The following ZFAND6 variants were observed in gnomAD, a reference collection of about 807,000 sequenced individuals.
ZFAND6 encodes the protein zinc finger AN1-type containing 6.
In ZFAND6, 12 loss-of-function variants were observed where a neutral mutation model predicts 24.5. That is an observed-to-expected ratio of 0.49 (90% CI 0.31 to 0.79). The LOEUF (loss-of-function observed/expected upper bound fraction) is 0.79, where lower values mean the gene tolerates loss of function less well. Among genes scored for constraint, ZFAND6 ranks in the 30% least tolerant of loss-of-function variants. ZFAND6 has a pLI of 0.04. For synonymous variants in ZFAND6, 92 were observed against 81.5 expected (o/e 1.13, Z -0.69); for missense variants, 207 against 245.9 (o/e 0.84, Z 1.06).
chr15:80,079,481 A>C (rs376057876), intron 1 of ZFAND6, among the ~76,000 whole-genome samples: 4 of 151,714 alleles, frequency 2.6e-5, no homozygotes, highest in Admixed American at 2.0e-4. Flanking sequence ...CGGCCTCCCA[A>C]AGTGCTGGGA....
chr15:80,124,677 GC>G (rs1415734910), intron 5 of ZFAND6, among the ~76,000 whole-genome samples: 1 of 152,168 alleles, frequency 6.6e-6, no homozygotes, highest in African/African-American at 2.4e-5. Context: ...TGGTCCTGAT[GC>G]CATATTAGGA....
At chr15:80,134,956 A>C (rs147195023) in intron 6 of ZFAND6, among the ~76,000 whole-genome samples, 1 of 152,216 alleles carries the variant, frequency 6.6e-6, no homozygotes, top group Admixed American at 6.5e-5. Flanking sequence ...TTGGTACCAT[A>C]TGGAAACAAT....
chr15:80,115,216 A>G (rs1365870633), intron 2 of ZFAND6: 1 of 152,226 alleles, frequency 6.6e-6, no homozygotes, highest in Non-Finnish European at 1.5e-5. Context: ...GTAAACTCTG[A>G]ATAACTGTTA....
chr15:80,088,388 T>TGAAA (rs2038133803), intron 1 of ZFAND6, among the ~76,000 whole-genome samples: 1 of 152,092 alleles, frequency 6.6e-6, no homozygotes, highest in African/African-American at 2.4e-5. Context: ...ACCAACATGG[T>TGAAA]GAAACCCTGT....
At chr15:80,070,557 T>A (rs1342187571) in intron 1 of ZFAND6, among the ~76,000 whole-genome samples, 1 of 152,246 alleles carries the variant, frequency 6.6e-6, no homozygotes, top group Non-Finnish European at 1.5e-5. Context: ...ATCATCTTGA[T>A]GTTCTTTCAA....
intron 3 of ZFAND6, 55 bp downstream of exon 3, chr15:80,120,553 T>C: frequency 7.2e-7 from 1 of 1,396,314 alleles, no homozygotes; most frequent in Non-Finnish European, 9.5e-7. Flanking sequence ...CAAGTGGATA[T>C]TTCGGTATAC....
At chr15:80,067,869 T>C (rs1239792685) in intron 1 of ZFAND6, among the ~76,000 whole-genome samples, 1 of 152,232 alleles carries the variant, frequency 6.6e-6, no homozygotes, top group Admixed American at 6.5e-5. Context: ...AATGAAAATA[T>C]CTCAATTTTT....
intron 2 of ZFAND6, among the ~76,000 whole-genome samples, chr15:80,108,673 T>A (rs1201551568): frequency 6.6e-6 from 1 of 152,178 alleles, no homozygotes; most frequent in Non-Finnish European, 1.5e-5. Flanking sequence ...TCTTTCTGAG[T>A]AGGCTGAATG....
intron 1 of ZFAND6, among the ~76,000 whole-genome samples, chr15:80,068,495 C>T (rs1414556914): frequency 3.3e-5 from 5 of 152,020 alleles, no homozygotes; most frequent in Non-Finnish European, 5.9e-5. Flanking sequence ...CCTCAGCCTC[C>T]GGAGTAGCTG....
In ZFAND6 at chr15:80,119,423, T is replaced by G. The variant is rs75844221; in HGVS notation, c.-17-905T>G. ...GGGATATGCTCATTACTGTCCTTTT[T>G]GATGATTAATGGGTGCTCCTTTTTT... On this transcript the variant is annotated intron_variant, in intron 2 of 6. Transcript: ENST00000261749. Among the ~76,000 whole-genome samples, 3,119 of 152,322 alleles carry G rather than the reference T, an allele frequency of 0.02. 224 individuals are homozygous for G. In the East Asian group the frequency reaches 0.22, roughly 11 times the overall value.
intron 1 of ZFAND6, among the ~76,000 whole-genome samples, chr15:80,066,066 C>T (rs1203055172): frequency 1.3e-5 from 2 of 152,138 alleles, no homozygotes; most frequent in African/African-American, 4.8e-5. Context: ...TCTAGACATT[C>T]TGCCAAGTGC....
chr15:80,104,122 G>A (rs147977036), intron 2 of ZFAND6, among the ~76,000 whole-genome samples: 7 of 152,216 alleles, frequency 4.6e-5, no homozygotes, highest in African/African-American at 7.2e-5. Context: ...GATTACACAC[G>A]TGAGCCACCG....
At chr15:80,096,687 A>G (rs972896381) in intron 1 of ZFAND6, among the ~76,000 whole-genome samples, 1 of 152,328 alleles carries the variant, frequency 6.6e-6, no homozygotes, top group South Asian at 2.1e-4. Context: ...TAAACAGTAC[A>G]TTTACTATGT....
intron 1 of ZFAND6, among the ~76,000 whole-genome samples, chr15:80,061,493 A>G (rs1343664449): frequency 6.6e-6 from 1 of 152,160 alleles, no homozygotes; most frequent in African/African-American, 2.4e-5. Flanking sequence ...GCATTTGTCT[A>G]TGAGTTTCTT....
chr15:80,137,908 G>T lies in ZFAND6; in HGVS notation c.*280G>T, dbSNP rs569439264. 4.0e-6 allele frequency: 1 copy of T among 249,760 alleles called. No homozygotes were observed. The highest frequency in any genetic ancestry group is 1.0e-4 in the East Asian group (1 of 9,792). The allele number at this position is 249,760 out of a possible 1,614,324, so 15.5% of individuals were successfully genotyped here. Reference sequence around the variant, plus strand: ...TTTATAACAAACGTGCAGAAATTTTGGAGGGCTGTGATTTTTCCAGTATTA... The same window carrying T: ...TTTATAACAAACGTGCAGAAATTTTTGAGGGCTGTGATTTTTCCAGTATTA... On this transcript the variant is annotated 3_prime_UTR_variant, in exon 7 of 7. Coordinates refer to ENST00000261749, the MANE Select transcript of ZFAND6 (RefSeq NM_019006.4).
At chr15:80,079,144 G>C (rs2037478306) in intron 1 of ZFAND6, among the ~76,000 whole-genome samples, 1 of 150,784 alleles carries the variant, frequency 6.6e-6, no homozygotes, top group Non-Finnish European at 1.5e-5. Context: ...GTTGAATTCT[G>C]GATATTAGAC....
chr15:80,092,575 A>G (rs2038448982), intron 1 of ZFAND6, among the ~76,000 whole-genome samples: 1 of 152,182 alleles, frequency 6.6e-6, no homozygotes, highest in South Asian at 2.1e-4. Flanking sequence ...TCTAAATGGT[A>G]AGAGAGAGGG....
At chr15:80,085,109 C>G (rs955942586) in intron 1 of ZFAND6, among the ~76,000 whole-genome samples, 1 of 152,208 alleles carries the variant, frequency 6.6e-6, no homozygotes, top group Admixed American at 6.5e-5. Flanking sequence ...TTCTTCCATA[C>G]GTCATACCAG....
chr15:80,135,613 AAAAG>A (rs1390985168), intron 6 of ZFAND6, among the ~76,000 whole-genome samples: 13 of 152,162 alleles, frequency 8.5e-5, no homozygotes, highest in African/African-American at 2.2e-4. Flanking sequence ...TTGGAGATGA[AAAAG>A]AAAGGAAGTT....
Sources: allele counts gnomAD v4.1 joint callset (sites outside exome capture counted in the v4.1 genomes callset), GRCh38; gene constraint gnomAD v4.1.1; transcripts MANE v1.5; gene names NCBI Gene and HGNC (gene_info 2026-07-23, HGNC 2026-07-21).